ARHGAP10: variants seen among roughly 807,000 people sequenced by gnomAD.
ARHGAP10 encodes the protein Rho GTPase activating protein 10.
In ARHGAP10, 87 loss-of-function variants were observed where a neutral mutation model predicts 108.6. The ratio of observed to expected loss-of-function variants is 0.80; its 90% CI spans 0.67 to 0.96. The LOEUF is 0.96. Ranked by LOEUF, ARHGAP10 falls within the 40% of genes least tolerant of loss-of-function variation. ARHGAP10 has a pLI of 0.00. For synonymous variants in ARHGAP10, 347 were observed against 341.1 expected (o/e 1.02, Z -0.19); for missense variants, 939 against 954.5 (o/e 0.98, Z 0.21).
At position 147,770,750 on chromosome 4, in the gene ARHGAP10, C is replaced by G. The variant is rs115902957; in HGVS notation, c.154+38295C>G. 3.7e-3 allele frequency among the ~76,000 whole-genome samples: 569 copies of G among 152,326 alleles called. 6 individuals are homozygous for G. The highest frequency in any genetic ancestry group is 0.013 in the African/African-American group (533 of 41,580). On this transcript the variant is annotated intron_variant, in intron 1 of 22. Transcript: ENST00000336498. ...ACCTCAGTCAAGTTACTTAGCCCAT[C>G]TGAGCTTCGGTGTTTGTTTTTTTCT...
At chr4:147,749,851 CTTAA>C (rs1468302531) in intron 1 of ARHGAP10, among the ~76,000 whole-genome samples, 1 of 152,144 alleles carries the variant, frequency 6.6e-6, no homozygotes, top group Non-Finnish European at 1.5e-5. Flanking sequence ...ACTGTTGTGG[CTTAA>C]TTGATACTGT....
intron 3 of ARHGAP10, among the ~76,000 whole-genome samples, chr4:147,834,304 G>T (rs1733075653): frequency 6.6e-6 from 1 of 151,854 alleles, no homozygotes; most frequent in Non-Finnish European, 1.5e-5. Context: ...CCCCATTTCT[G>T]CAGGGGCAGG....
chr4:147,823,874 A>G (rs1208421228), intron 3 of ARHGAP10, among the ~76,000 whole-genome samples: 2 of 152,184 alleles, frequency 1.3e-5, no homozygotes, highest in African/African-American at 4.8e-5. Context: ...ACTCAACTGT[A>G]AATTTTGGGG....
chr4:147,888,597 G>A (rs1175810087), intron 10 of ARHGAP10, among the ~76,000 whole-genome samples: 1 of 151,946 alleles, frequency 6.6e-6, no homozygotes, highest in South Asian at 2.1e-4. Context: ...TAATTTTTTT[G>A]TTGTGTTCAT....
intron 18 of ARHGAP10, among the ~76,000 whole-genome samples, chr4:147,989,329 G>A (rs1401663567): frequency 1.3e-5 from 2 of 152,224 alleles, no homozygotes; most frequent in African/African-American, 4.8e-5. Flanking sequence ...TGAAGTTTTG[G>A]GCACCATTGT....
At chr4:147,896,863 G>A (rs1314483360) in intron 10 of ARHGAP10, among the ~76,000 whole-genome samples, 1 of 151,966 alleles carries the variant, frequency 6.6e-6, no homozygotes, top group African/African-American at 2.4e-5. Flanking sequence ...ATATTTAGAA[G>A]TATTTTTTAA....
At chr4:147,874,219 A>G (rs1345101796) in intron 7 of ARHGAP10, among the ~76,000 whole-genome samples, 2 of 152,226 alleles carry the variant, frequency 1.3e-5, no homozygotes, top group African/African-American at 2.4e-5. Context: ...GTTCCTCCAC[A>G]GTTTCACATC....
chr4:147,909,768 C>T lies in ARHGAP10; in HGVS notation c.1153C>T (p.Pro385Ser). Residue 385 changes from proline (P) to serine (S), a missense_variant, in exon 12 of 23, where the codon CCA (proline) becomes TCA (serine). Pro to Ser is a moderately conservative substitution (Grantham distance 74). Transcript: ENST00000336498. ...HSFNTAIIPR[P>S]EGNAQLDKMG... The stretch of plus-strand genomic sequence containing the variant: ...TTTTAATACAGCCATCATCCCAAGA[C>T]CAGAAGGAAGTAAGTGCTCATTTAT... 6.2e-7 allele frequency: 1 copy of T among 1,610,486 alleles called. No homozygotes were observed. Among genetic ancestry groups the T allele is most frequent in the South Asian group, 1.1e-5 (1 of 90,966 alleles).
Position 147,914,568 on chromosome 4 carries a change from C to CTT in ARHGAP10, c.1228+1439_1228+1440dup, listed in dbSNP as rs1468427040. On this transcript the variant is annotated intron_variant, in intron 13 of 22. Coordinates refer to ENST00000336498, the MANE Select transcript of ARHGAP10 (RefSeq NM_024605.4). ...GCATGTTCTGCGCTCCCCCCCCCCC[C>CTT]TTTTTTTTTTTAACATCTTCAGCAT... is the stretch of plus-strand genomic sequence containing the variant. Among the ~76,000 whole-genome samples, 64 of 125,218 alleles carry CTT rather than the reference C, an allele frequency of 5.1e-4. No homozygotes were observed. The East Asian group carries it at 9.4e-3, about 18-fold the overall frequency. 82.1% of individuals were successfully genotyped at this position (125,218 alleles called of 152,430 possible).
rs1578976552 is a variant in ARHGAP10, at chr4:147,732,293, G to A, written c.-9G>A. On this transcript the variant is annotated 5_prime_UTR_variant, in exon 1 of 23. Transcript: ENST00000336498. ...CGGCCGTGCGCACCGCGCAGCGACC[G>A]CTGCCGTCATGGGGCTGCAGCCCCT... 4 of 1,601,552 alleles carry A rather than the reference G, an allele frequency of 2.5e-6. No homozygotes were observed. The highest frequency in any genetic ancestry group is 3.4e-6 in the Non-Finnish European group (4 of 1,174,748).
In ARHGAP10 at chr4:148,072,011, C is replaced by G. The variant is rs774502924; in HGVS notation, c.2291C>G (p.Pro764Arg). The G allele has an allele frequency of 4.3e-6, 7 of 1,613,296 alleles. No individual in the cohort carries two copies. Among genetic ancestry groups the G allele is most frequent in the African/African-American group, 1.3e-5 (1 of 74,884 alleles). The change falls in exon 23 of 23, where the codon CCT becomes CGT. Residue 764 changes from proline (P) to arginine (R), a missense_variant. Physicochemically the swap from Pro to Arg is moderately radical, Grantham distance 103. Transcript: ENST00000336498. ...IFEDVQTSRE[P>R]GWLEGTLNGK... ...TTTTCAGTACAAACCTCCAGGGAAC[C>G]TGGCTGGCTAGAAGGGACTCTGAAC... is the stretch of plus-strand genomic sequence containing the variant.
intron 3 of ARHGAP10, among the ~76,000 whole-genome samples, chr4:147,839,235 T>C (rs1203777111): frequency 6.6e-6 from 1 of 152,186 alleles, no homozygotes; most frequent in African/African-American, 2.4e-5. Context: ...TGCTGAATGG[T>C]TTCTTTGCTG....
At chr4:147,896,037 G>A (rs1227818180) in intron 10 of ARHGAP10, among the ~76,000 whole-genome samples, 1 of 152,208 alleles carries the variant, frequency 6.6e-6, no homozygotes, top group Non-Finnish European at 1.5e-5. Flanking sequence ...AATTTTGTAA[G>A]TTAACCTCAC....
At chr4:147,913,036 A>G in intron 12 of ARHGAP10, 38 bp from the exon 13 acceptor site, 1 of 1,542,934 alleles carries the variant, frequency 6.5e-7, no homozygotes. Context: ...GTGATAAATA[A>G]TAATTGTACA....
intron 1 of ARHGAP10, among the ~76,000 whole-genome samples, chr4:147,816,033 C>T (rs1389749718): frequency 6.6e-6 from 1 of 152,176 alleles, no homozygotes; most frequent in Non-Finnish European, 1.5e-5. Context: ...ATCTGGTTTT[C>T]CTGTTCCTAC....
At chr4:147,751,618 C>T (rs188913387) in intron 1 of ARHGAP10, among the ~76,000 whole-genome samples, 2 of 152,016 alleles carry the variant, frequency 1.3e-5, no homozygotes, top group African/African-American at 2.4e-5. Flanking sequence ...TGCCTACCTC[C>T]GGCCCCCTAA....
intron 1 of ARHGAP10, among the ~76,000 whole-genome samples, chr4:147,761,078 G>A (rs527402377): frequency 4.1e-4 from 61 of 150,328 alleles, no homozygotes; most frequent in Admixed American, 2.3e-3. Flanking sequence ...GTGCAGTGGT[G>A]TGATCATAAC....
At chr4:147,870,700 A>C (rs560859530) in intron 7 of ARHGAP10, among the ~76,000 whole-genome samples, 2 of 152,284 alleles carry the variant, frequency 1.3e-5, no homozygotes, top group Admixed American at 6.5e-5. Context: ...AATTTAAAGA[A>C]TATTTTAAGA....
At chr4:147,994,720 T>C (rs1740406050) in intron 18 of ARHGAP10, among the ~76,000 whole-genome samples, 1 of 152,212 alleles carries the variant, frequency 6.6e-6, no homozygotes. Flanking sequence ...TCTTAGGCAA[T>C]TGTCTGTCTT....
Sources: allele counts gnomAD v4.1 joint callset (sites outside exome capture counted in the v4.1 genomes callset), GRCh38; gene constraint gnomAD v4.1.1; transcripts MANE v1.5; gene names NCBI Gene and HGNC (gene_info 2026-07-23, HGNC 2026-07-21).